ELMO1: variants seen among roughly 807,000 people sequenced by gnomAD.
The protein encoded by ELMO1 is engulfment and cell motility protein 1.
In ELMO1, 26 loss-of-function variants were observed where a neutral mutation model predicts 98.9. The ratio of observed to expected loss-of-function variants is 0.26; its 90% CI spans 0.19 to 0.36. The LOEUF (loss-of-function observed/expected upper bound fraction) is 0.36, where lower values mean the gene tolerates loss of function less well. ELMO1 is among the 10% of genes least tolerant of loss of function. ELMO1 has a pLI of 1.00. For missense variants in ELMO1, 627 were observed against 935.2 expected (o/e 0.67, Z 4.30); for synonymous variants, 346 against 346.0 (o/e 1.00, Z 0.00).
chr7:36,961,193 C>T (rs1036827101), intron 16 of ELMO1, among the ~76,000 whole-genome samples: 7 of 152,158 alleles, frequency 4.6e-5, no homozygotes, highest in African/African-American at 1.7e-4. Context: ...GATCAAATTT[C>T]TCCTTCCCAT....
intron 15 of ELMO1, among the ~76,000 whole-genome samples, chr7:37,016,299 A>G (rs1793926231): frequency 6.6e-6 from 1 of 152,194 alleles, no homozygotes; most frequent in Non-Finnish European, 1.5e-5. Context: ...GCATGCCAAC[A>G]GCTCTACAAG....
chr7:37,009,986 C>CA (rs1793432992), intron 16 of ELMO1, among the ~76,000 whole-genome samples: 2 of 152,272 alleles, frequency 1.3e-5, no homozygotes, highest in East Asian at 3.9e-4. Flanking sequence ...TCAAGTAAAG[C>CA]AGAACAGTGG....
chr7:37,046,927 T>A (rs1291206015), intron 15 of ELMO1, among the ~76,000 whole-genome samples: 1 of 152,222 alleles, frequency 6.6e-6, no homozygotes, highest in Non-Finnish European at 1.5e-5. Flanking sequence ...CTGGAACAAC[T>A]CACTATGTGC....
intron 2 of ELMO1, 96 bp from the exon 3 acceptor site, chr7:37,316,056 A>G: frequency 9.9e-7 from 1 of 1,013,522 alleles, no homozygotes; most frequent in Non-Finnish European, 1.5e-6. Context: ...ATCTAAGCAA[A>G]GAGAATTTAC....
At position 37,155,487 on chromosome 7, in the gene ELMO1, CAAA is replaced by C. The variant is rs781745325; in HGVS notation, c.1087-22256_1087-22254del. ...GATGGAGGAAGAAGCAAACGGAAAG[CAAA>C]AAAAAAAAAAAAAAAAAAGCAGGTG... is the stretch of plus-strand genomic sequence containing the variant. On this transcript the variant is annotated intron_variant, in intron 13 of 21. Transcript: ENST00000310758. Among the ~76,000 whole-genome samples, 25 of 49,686 alleles carry C rather than the reference CAAA, an allele frequency of 5.0e-4. No homozygotes were observed. The South Asian group carries it at 6.4e-3, about 13-fold the overall frequency. The allele number at this position is 49,686 out of a possible 152,430, so 32.6% of individuals were successfully genotyped here.
intron 7 of ELMO1, among the ~76,000 whole-genome samples, chr7:37,241,431 G>A (rs1562546297): frequency 1.3e-5 from 2 of 151,940 alleles, no homozygotes; most frequent in Non-Finnish European, 2.9e-5. Flanking sequence ...GCATAGAGCT[G>A]GGCCATGCTT....
At chr7:37,363,254 A>C (rs1403326560) in intron 1 of ELMO1, among the ~76,000 whole-genome samples, 1 of 151,884 alleles carries the variant, frequency 6.6e-6, no homozygotes, top group African/African-American at 2.4e-5. Flanking sequence ...CCTCACAAAC[A>C]TTCCCTAGGC....
At chr7:37,407,889 T>C (rs1803838128) in intron 1 of ELMO1, among the ~76,000 whole-genome samples, 1 of 152,196 alleles carries the variant, frequency 6.6e-6, no homozygotes, top group Non-Finnish European at 1.5e-5. Flanking sequence ...AGGGAAGCCC[T>C]GCTGGGGAAA....
chr7:37,084,359 A>G (rs1309471874), intron 15 of ELMO1, among the ~76,000 whole-genome samples: 1 of 152,258 alleles, frequency 6.6e-6, no homozygotes, highest in Admixed American at 6.5e-5. Context: ...TACTCTATTC[A>G]TGCAACAAAC....
intron 15 of ELMO1, among the ~76,000 whole-genome samples, chr7:37,087,164 G>A (rs542750253): frequency 1.4e-4 from 21 of 151,844 alleles, no homozygotes; most frequent in East Asian, 7.7e-4. Context: ...ACTAAGTTTC[G>A]TTTATTCACT....
intron 1 of ELMO1, among the ~76,000 whole-genome samples, chr7:37,428,021 T>C (rs1471989613): frequency 8.7e-6 from 1 of 114,484 alleles, no homozygotes; most frequent in Non-Finnish European, 1.8e-5. Context: ...ATGAAGGATG[T>C]ATGCTTGGGG....
At chr7:36,894,515 C>T (rs1468950578) in intron 17 of ELMO1, among the ~76,000 whole-genome samples, 1 of 152,168 alleles carries the variant, frequency 6.6e-6, no homozygotes, top group African/African-American at 2.4e-5. Flanking sequence ...AAAGGGCACC[C>T]ACATGAAATA....
chr7:37,301,254 A>G (rs1257340377), intron 4 of ELMO1, among the ~76,000 whole-genome samples: 2 of 152,068 alleles, frequency 1.3e-5, no homozygotes. Context: ...AGGAAAAACA[A>G]TCAGAAGGAA....
intron 4 of ELMO1, among the ~76,000 whole-genome samples, chr7:37,276,393 G>A (rs549187072): frequency 6.6e-6 from 1 of 152,180 alleles, no homozygotes; most frequent in Non-Finnish European, 1.5e-5. Flanking sequence ...CAGATCACGA[G>A]GTCAGGAGAT....
intron 1 of ELMO1, among the ~76,000 whole-genome samples, chr7:37,425,825 A>G (rs1222226034): frequency 6.6e-6 from 1 of 152,220 alleles, no homozygotes; most frequent in Admixed American, 6.5e-5. Flanking sequence ...GTCTTCTCCA[A>G]CTGTAATACG....
At chr7:37,307,506 C>T (rs541818546) in intron 4 of ELMO1, among the ~76,000 whole-genome samples, 192 of 152,278 alleles carry the variant, frequency 1.3e-3, no homozygotes, top group Non-Finnish European at 2.4e-4. Flanking sequence ...TTATAAATTA[C>T]CCAGTCTCAG....
At chr7:37,237,867 T>C (rs910644515) in intron 7 of ELMO1, among the ~76,000 whole-genome samples, 1 of 152,238 alleles carries the variant, frequency 6.6e-6, no homozygotes, top group Non-Finnish European at 1.5e-5. Context: ...TCAGTGCAGG[T>C]TGATTCTGGA....
chr7:36,882,961 C>A (rs1562794325), intron 18 of ELMO1, among the ~76,000 whole-genome samples: 1 of 152,082 alleles, frequency 6.6e-6, no homozygotes, highest in Non-Finnish European at 1.5e-5. Context: ...TTTATTTATA[C>A]CTGCCTTTTT....
intron 15 of ELMO1, among the ~76,000 whole-genome samples, chr7:37,032,909 AG>A (rs1472847066): frequency 7.9e-5 from 12 of 152,172 alleles, no homozygotes; most frequent in Non-Finnish European, 1.2e-4. Context: ...GTGTCTGGAG[AG>A]TCCAGGGGAA....
Sources: gnomAD v4.1 joint callset for allele counts (sites outside exome capture counted in the v4.1 genomes callset) on GRCh38, gnomAD v4.1.1 for gene constraint, MANE v1.5 for transcripts, NCBI Gene and HGNC (gene_info 2026-07-23, HGNC 2026-07-21) for gene names.